SCFD2: variants seen among roughly 807,000 people sequenced by gnomAD.
The protein encoded by SCFD2 is sec1 family domain containing 2.
SCFD2 carries 54 observed loss-of-function variants against 58.9 expected under a neutral mutation model. The ratio of observed to expected loss-of-function variants is 0.92; its 90% confidence interval spans 0.74 to 1.15. The LOEUF is 1.15. Ranked by LOEUF, SCFD2 falls within the 50% of genes most tolerant of loss-of-function variation. The pLI is 0.00. For missense variants in SCFD2, 805 were observed against 836.6 expected, an observed-to-expected ratio of 0.96 and a Z score of 0.47; for synonymous variants, 321 against 335.9, an observed-to-expected ratio of 0.96 and a Z score of 0.49.
intron 2 of SCFD2, among the ~76,000 whole-genome samples, chr4:53,318,122 A>G (rs2149116158): frequency 6.6e-6 from 1 of 152,328 alleles, no homozygotes; most frequent in South Asian, 2.1e-4. Flanking sequence ...GAAAACTCCA[A>G]TGCAAGCAAT....
intron 6 of SCFD2, among the ~76,000 whole-genome samples, chr4:52,909,250 G>C (rs1354302863): frequency 6.6e-6 from 1 of 152,150 alleles, no homozygotes; most frequent in Non-Finnish European, 1.5e-5. Flanking sequence ...ATCCAAAAAG[G>C]CTGTTTATTG....
intron 3 of SCFD2, among the ~76,000 whole-genome samples, chr4:53,305,181 A>C (rs748446000): frequency 6.6e-6 from 1 of 152,060 alleles, no homozygotes; most frequent in Non-Finnish European, 1.5e-5. Flanking sequence ...ATACATATGT[A>C]TTTTTTAAAT....
At chr4:53,103,847 C>G (rs1159267342) in intron 5 of SCFD2, among the ~76,000 whole-genome samples, 1 of 97,264 alleles carries the variant, frequency 1.0e-5, no homozygotes, top group South Asian at 3.2e-4. Context: ...GTTGACAACA[C>G]AGATGCCACT....
intron 7 of SCFD2, among the ~76,000 whole-genome samples, chr4:52,905,908 T>C (rs1054856961): frequency 6.6e-6 from 1 of 152,260 alleles, no homozygotes; most frequent in South Asian, 2.1e-4. Flanking sequence ...GACTCTGTTC[T>C]ATAATATATT....
chr4:52,958,603 C>A (rs979401794), intron 5 of SCFD2, among the ~76,000 whole-genome samples: 1 of 152,062 alleles, frequency 6.6e-6, no homozygotes, highest in Non-Finnish European at 1.5e-5. Context: ...GATCTCACAG[C>A]CACCATAGGC....
At chr4:53,196,134 T>TA (rs1252451557) in intron 4 of SCFD2, among the ~76,000 whole-genome samples, 3 of 152,196 alleles carry the variant, frequency 2.0e-5, no homozygotes, top group Admixed American at 6.5e-5. Flanking sequence ...TTTGTCTTTT[T>TA]AAAAATCCTT....
At chr4:52,936,153 T>C (rs901294414) in intron 5 of SCFD2, among the ~76,000 whole-genome samples, 1 of 152,170 alleles carries the variant, frequency 6.6e-6, no homozygotes, top group Non-Finnish European at 1.5e-5. Flanking sequence ...TCCTTTTTCA[T>C]GGCTGTCTAA....
Position 53,024,610 on chromosome 4 carries a change from C to T in SCFD2, c.1562-103740G>A, listed in dbSNP as rs550367005. The stretch of plus-strand genomic sequence containing the variant: ...CCAAATTGAGACCACTACTTTCTGC[C>T]AAAATTCTAAAAAATAAAAATAAAA... On this transcript the variant is annotated intron_variant, in intron 5 of 8. Coordinates refer to ENST00000401642, the MANE Select transcript of SCFD2 (RefSeq NM_152540.4). Among the ~76,000 whole-genome samples, 4 of 151,184 alleles carry T rather than the reference C, an allele frequency of 2.6e-5. No homozygotes were observed. In the East Asian group the frequency reaches 5.8e-4, roughly 22 times the overall value.
chr4:53,232,569 A>C (rs1729471840), intron 4 of SCFD2, among the ~76,000 whole-genome samples: 2 of 152,184 alleles, frequency 1.3e-5, no homozygotes, highest in Non-Finnish European at 2.9e-5. Flanking sequence ...GACATGAAAT[A>C]TCATAAATTA....
At chr4:53,179,827 CA>C (rs1208236426) in intron 4 of SCFD2, among the ~76,000 whole-genome samples, 5 of 151,526 alleles carry the variant, frequency 3.3e-5, no homozygotes, top group Non-Finnish European at 7.4e-5. Context: ...AAATGGAAAA[CA>C]AAAAAAGGCA....
At chr4:53,131,301 G>A (rs1725779793) in intron 5 of SCFD2, among the ~76,000 whole-genome samples, 1 of 152,168 alleles carries the variant, frequency 6.6e-6, no homozygotes, top group South Asian at 2.1e-4. Flanking sequence ...CGGTGGGTAT[G>A]CAACGAGTCA....
chr4:52,958,099 C>T (rs1402291488), intron 5 of SCFD2: 5 of 152,154 alleles, frequency 3.3e-5, no homozygotes, highest in Admixed American at 6.5e-5. Context: ...AAGGAAAAAA[C>T]GTTCATTTTC....
At chr4:53,202,071 T>G (rs1005759872) in intron 4 of SCFD2, among the ~76,000 whole-genome samples, 69 of 152,278 alleles carry the variant, frequency 4.5e-4, no homozygotes, top group African/African-American at 1.5e-3. Context: ...TGCCATTGCT[T>G]TTGGTGTTTT....
chr4:53,187,199 G>A (rs939716700), intron 4 of SCFD2, among the ~76,000 whole-genome samples: 3 of 151,898 alleles, frequency 2.0e-5, no homozygotes, highest in African/African-American at 4.8e-5. Context: ...AGAAAAACAT[G>A]AGAAAACACA....
rs140924979 is a variant in SCFD2, at chr4:52,982,545, T to C, written c.1562-61675A>G. 5.3e-5 allele frequency among the ~76,000 whole-genome samples: 8 copies of C among 152,320 alleles called. No homozygotes were observed. The East Asian group carries it at 5.8e-4, about 11-fold the overall frequency. On this transcript the variant is annotated intron_variant, in intron 5 of 8. Coordinates refer to ENST00000401642, the MANE Select transcript of SCFD2 (RefSeq NM_152540.4). ...CTCCAAAGTAAGCAGTTTTGACTTA[T>C]AATAAACTACTTATCAGTATAAATA... is the stretch of plus-strand genomic sequence containing the variant.
At chr4:53,343,088 A>C (rs536012160) in intron 2 of SCFD2, among the ~76,000 whole-genome samples, 2 of 152,322 alleles carry the variant, frequency 1.3e-5, no homozygotes, top group Non-Finnish European at 2.9e-5. Context: ...AGCTAGAAGA[A>C]GGCAAGAAAT....
intron 4 of SCFD2, among the ~76,000 whole-genome samples, chr4:53,236,068 G>A (rs1418864252): frequency 1.3e-5 from 2 of 152,288 alleles, no homozygotes; most frequent in East Asian, 1.9e-4. Flanking sequence ...TGTAAGTGAG[G>A]GTATTGGTAA....
At chr4:53,294,593 G>A (rs1284824283) in intron 3 of SCFD2, among the ~76,000 whole-genome samples, 1 of 152,274 alleles carries the variant, frequency 6.6e-6, no homozygotes, top group East Asian at 1.9e-4. Context: ...TAGGTTGCCT[G>A]TTAACTCTGA....
At chr4:53,111,498 G>T (rs1425656499) in intron 5 of SCFD2, among the ~76,000 whole-genome samples, 1 of 152,046 alleles carries the variant, frequency 6.6e-6, no homozygotes. Flanking sequence ...AAAATGTTGT[G>T]AAGCTTTGGT....
Sources: allele counts gnomAD v4.1 joint callset (sites outside exome capture counted in the v4.1 genomes callset), GRCh38; gene constraint gnomAD v4.1.1; transcripts MANE v1.5; gene names NCBI Gene and HGNC (gene_info 2026-07-23, HGNC 2026-07-21).